CAMK1D: variants seen among roughly 807,000 people sequenced by gnomAD.
CAMK1D encodes calcium/calmodulin dependent protein kinase ID.
In CAMK1D, 9 loss-of-function variants were observed where a neutral mutation model predicts 47.7. The observed-to-expected ratio is 0.19, with a 90% CI of 0.11 to 0.33. CAMK1D has a LOEUF of 0.33. Ranked by LOEUF, CAMK1D falls within the 10% of genes least tolerant of loss-of-function variation. CAMK1D has a pLI of 1.00. For missense variants in CAMK1D, 291 were observed against 488.7 expected (o/e 0.60, Z 3.81); for synonymous variants, 184 against 184.9 (o/e 0.99, Z 0.04).
chr10:12,693,862 G>A (rs1170944790), intron 3 of CAMK1D, among the ~76,000 whole-genome samples: 2 of 128,842 alleles, frequency 1.6e-5, no homozygotes, highest in African/African-American at 3.0e-5. Flanking sequence ...TAGCATGGGG[G>A]ACAGAGCAAG....
intron 2 of CAMK1D, among the ~76,000 whole-genome samples, chr10:12,589,849 C>T (rs997722743): frequency 1.3e-5 from 2 of 152,146 alleles, no homozygotes; most frequent in African/African-American, 4.8e-5. Context: ...CTGATCAGAA[C>T]ATCTTGTAAA....
chr10:12,440,485 G>T (rs1022141802), intron 1 of CAMK1D, among the ~76,000 whole-genome samples: 1 of 152,054 alleles, frequency 6.6e-6, no homozygotes. Flanking sequence ...ATGGGGTTTC[G>T]CCATGTTGGC....
chr10:12,555,457 T>C (rs1388884045), intron 2 of CAMK1D, among the ~76,000 whole-genome samples: 1 of 152,240 alleles, frequency 6.6e-6, no homozygotes, highest in Non-Finnish European at 1.5e-5. Flanking sequence ...CTGGATTGTC[T>C]ATTAGGAACC....
At chr10:12,680,500 T>C (rs116820097) in intron 3 of CAMK1D, among the ~76,000 whole-genome samples, 1 of 152,204 alleles carries the variant, frequency 6.6e-6, no homozygotes, top group African/African-American at 2.4e-5. Context: ...ATGTTAGAAA[T>C]CCAGTTGTGT....
rs1278237018 is a variant in CAMK1D, at chr10:12,518,521, G to T, written c.93-34704G>T. Among the ~76,000 whole-genome samples, 2 of 101,970 alleles carry T rather than the reference G, an allele frequency of 2.0e-5. 1 individual carries two copies. Among genetic ancestry groups the T allele is most frequent in the African/African-American group, 7.2e-5 (2 of 27,814 alleles). 66.9% of individuals were successfully genotyped at this position (101,970 alleles called of 152,430 possible). ...TTTTTTTTTTTATTGATCATTCTTG[G>T]GTGTTTCTCGCAGAGGGGGATTTGG... On this transcript the variant is annotated intron_variant, in intron 1 of 10. Transcript: ENST00000619168.
At chr10:12,727,152 C>T (rs1005928482) in intron 3 of CAMK1D, among the ~76,000 whole-genome samples, 1 of 152,204 alleles carries the variant, frequency 6.6e-6, no homozygotes, top group Admixed American at 6.5e-5. Context: ...TTTGTAAAAA[C>T]TCATCATCTG....
intron 3 of CAMK1D, among the ~76,000 whole-genome samples, chr10:12,732,451 AG>A (rs1834928738): frequency 6.6e-6 from 1 of 152,108 alleles, no homozygotes. Flanking sequence ...CAAGACTGGG[AG>A]GAAAAAGAGG....
At chr10:12,581,175 T>C (rs1837652422) in intron 2 of CAMK1D, among the ~76,000 whole-genome samples, 3 of 152,196 alleles carry the variant, frequency 2.0e-5, no homozygotes, top group Non-Finnish European at 4.4e-5. Flanking sequence ...CACTTAGTAT[T>C]ATGGTCTCCA....
chr10:12,622,885 G>A (rs529649730), intron 2 of CAMK1D, among the ~76,000 whole-genome samples: 3 of 152,050 alleles, frequency 2.0e-5, no homozygotes, highest in South Asian at 2.1e-4. Context: ...GAGAGAACTC[G>A]GCCCACAACA....
At position 12,420,302 on chromosome 10, in the gene CAMK1D, C is replaced by T. The variant is rs942332802; in HGVS notation, c.92+70392C>T. Among the ~76,000 whole-genome samples, 9 of 152,344 alleles carry T rather than the reference C, an allele frequency of 5.9e-5. No individual in the cohort carries two copies. The East Asian group carries it at 1.7e-3, about 29-fold the overall frequency. ...AAAATACGGTATTTTAGTGATAGAG[C>T]TGGTGGCAGCTGATGTAGTAGTAGT... On this transcript the variant is annotated intron_variant, in intron 1 of 10. Coordinates refer to ENST00000619168, the MANE Select transcript of CAMK1D (RefSeq NM_153498.4).
intron 1 of CAMK1D, among the ~76,000 whole-genome samples, chr10:12,545,325 C>T (rs1836328142): frequency 1.8e-5 from 1 of 55,598 alleles, no homozygotes; most frequent in African/African-American, 5.6e-5. Flanking sequence ...TGGTGTGCGT[C>T]TGTAGTTTTA....
intron 2 of CAMK1D, among the ~76,000 whole-genome samples, chr10:12,567,822 G>A (rs893985921): frequency 2.6e-5 from 4 of 152,012 alleles, no homozygotes; most frequent in African/African-American, 9.7e-5. Flanking sequence ...CCTAAAGCAC[G>A]GCAGAGTGCA....
intron 3 of CAMK1D, among the ~76,000 whole-genome samples, chr10:12,682,799 A>G (rs1832493684): frequency 8.5e-6 from 1 of 118,126 alleles, no homozygotes; most frequent in Non-Finnish European, 2.0e-5. Context: ...AAAACTAACT[A>G]TTCTGCTTAT....
chr10:12,496,484 C>T (rs1834819730), intron 1 of CAMK1D, among the ~76,000 whole-genome samples: 1 of 152,054 alleles, frequency 6.6e-6, no homozygotes, highest in Non-Finnish European at 1.5e-5. Flanking sequence ...GGAGAGGGCA[C>T]AGAAGAAGGG....
intron 1 of CAMK1D, among the ~76,000 whole-genome samples, chr10:12,447,376 C>G (rs1832952690): frequency 1.3e-5 from 2 of 152,068 alleles, no homozygotes; most frequent in South Asian, 4.1e-4. Flanking sequence ...CACTGGGCAG[C>G]CTTCAGATAG....
chr10:12,734,420 ATG>A lies in CAMK1D; in HGVS notation c.300-26526_300-26525del, dbSNP rs1481991722. ...TATATATATATACACACACACACAC[ATG>A]TATATATATATACACACACACATAT... On this transcript the variant is annotated intron_variant, in intron 3 of 10. Coordinates refer to ENST00000619168, the MANE Select transcript of CAMK1D (RefSeq NM_153498.4). 1.1e-3 allele frequency among the ~76,000 whole-genome samples: 48 copies of A among 42,692 alleles called. 1 individual carries two copies. Among genetic ancestry groups the A allele is most frequent in the Middle Eastern group, 0.016 (2 of 128 alleles). The allele number at this position is 42,692 out of a possible 152,430, so 28.0% of individuals were successfully genotyped here.
chr10:12,370,828 G>T (rs1051034555), intron 1 of CAMK1D, among the ~76,000 whole-genome samples: 1 of 152,000 alleles, frequency 6.6e-6, no homozygotes, highest in Non-Finnish European at 1.5e-5. Flanking sequence ...GGCTGGTCTC[G>T]AACTCCTGAC....
At chr10:12,638,761 T>C (rs2132481769) in intron 2 of CAMK1D, among the ~76,000 whole-genome samples, 1 of 152,328 alleles carries the variant, frequency 6.6e-6, no homozygotes, top group African/African-American at 2.4e-5. Context: ...CAGCCCCACC[T>C]GTCTGCCCCT....
intron 1 of CAMK1D, among the ~76,000 whole-genome samples, chr10:12,463,263 G>C (rs900663539): frequency 6.6e-6 from 1 of 151,522 alleles, no homozygotes; most frequent in Non-Finnish European, 1.5e-5. Context: ...TCAGCTTCTT[G>C]AGTAGCTGAG....
Sources: allele counts gnomAD v4.1 joint callset (sites outside exome capture counted in the v4.1 genomes callset), GRCh38; gene constraint gnomAD v4.1.1; transcripts MANE v1.5; gene names NCBI Gene and HGNC (gene_info 2026-07-23, HGNC 2026-07-21).